Variants in KIRREL3 observed in about 807,000 individuals in gnomAD.
KIRREL3 encodes the protein kin of IRRE-like protein 3.
Under a neutral mutation model 89.7 loss-of-function variants are expected in KIRREL3, and 36 were observed. The observed-to-expected ratio is 0.40, with a 90% confidence interval of 0.31 to 0.53. KIRREL3 has a LOEUF of 0.53. Among genes scored for constraint, KIRREL3 ranks in the 20% least tolerant of loss-of-function variants. KIRREL3 has a pLI of 0.49. For synonymous variants in KIRREL3, 445 were observed against 441.4 expected (o/e 1.01, Z -0.10); for missense variants, 864 against 1,056.6 (o/e 0.82, Z 2.53).
rs930249106 is a variant in KIRREL3, at chr11:126,811,090, G to A, written c.55+189365C>T. 6.6e-6 allele frequency among the ~76,000 whole-genome samples: 1 copy of A among 152,176 alleles called. No individual in the cohort carries two copies. Among genetic ancestry groups the A allele is most frequent in the Non-Finnish European group, 1.5e-5 (1 of 68,026 alleles). ...CCCATGGGCACCTGGTGGCCCTGCT[G>A]AGGGCCAAATAGGAGTGTTGACATC... is the stretch of plus-strand genomic sequence containing the variant. On this transcript the variant is annotated intron_variant, in intron 1 of 16. Transcript: ENST00000525144. The surrounding 1 kb of genome is among the most constrained non-coding windows in gnomAD (Gnocchi z 4.3).
intron 1 of KIRREL3, among the ~76,000 whole-genome samples, chr11:126,722,922 T>C (rs1054935166): frequency 3.3e-5 from 5 of 152,230 alleles, no homozygotes; most frequent in African/African-American, 1.2e-4. Flanking sequence ...ATCATGGTGA[T>C]TTCCGCACGA....
rs1461397571 is a variant in KIRREL3 at position 126,918,536 on chromosome 11, C to T, written c.55+81919G>A. ...AACTAGCTGAATTATTACGTTTTTG[C>T]ATAAACATTCTTCACCATCATCCAC... is the stretch of plus-strand genomic sequence containing the variant. On this transcript the variant is annotated intron_variant, in intron 1 of 16. Transcript: ENST00000525144. The surrounding 1 kb of genome is among the most constrained non-coding windows in gnomAD (Gnocchi z 6.5). Among the ~76,000 whole-genome samples, 1 of 152,138 alleles carries T rather than the reference C, an allele frequency of 6.6e-6. No individual in the cohort carries two copies. The highest frequency in any genetic ancestry group is 6.5e-5 in the Admixed American group (1 of 15,278).
rs1350903041 is a variant in KIRREL3 at position 126,571,009 on chromosome 11, C to T, written c.56-8097G>A. ...TTGTTGTTATTTAGCGAGAGATTGA[C>T]ACTTTAGAGGAGTGAGGAGTTTGTC... On this transcript the variant is annotated intron_variant, in intron 1 of 16. Transcript: ENST00000525144. The surrounding 1 kb of genome is among the most constrained non-coding windows in gnomAD (Gnocchi z 7.7). 6.6e-6 allele frequency among the ~76,000 whole-genome samples: 1 copy of T among 152,190 alleles called. No individual in the cohort carries two copies. Among genetic ancestry groups the T allele is most frequent in the Non-Finnish European group, 1.5e-5 (1 of 68,038 alleles).
chr11:126,483,212 G>T (rs977286034), intron 4 of KIRREL3, among the ~76,000 whole-genome samples: 1 of 152,166 alleles, frequency 6.6e-6, no homozygotes, highest in African/African-American at 2.4e-5. Flanking sequence ...TTACCATGAG[G>T]TCATACCCCC....
chr11:126,480,302 A>T (rs1303139953), intron 4 of KIRREL3, among the ~76,000 whole-genome samples: 1 of 152,252 alleles, frequency 6.6e-6, no homozygotes, highest in Non-Finnish European at 1.5e-5. Context: ...CACAGAGAAC[A>T]TTGTAAAAGG....
At position 126,642,211 on chromosome 11, in the gene KIRREL3, G is replaced by C. The variant is rs2134934121; in HGVS notation, c.56-79299C>G. ...TTGACAGATGCTTTCCTGCCTTCTAGTCCAAACTTCAAAATCCTTCCTGCA... is the reference window on the plus strand; with the variant it reads ...TTGACAGATGCTTTCCTGCCTTCTACTCCAAACTTCAAAATCCTTCCTGCA... On this transcript the variant is annotated intron_variant, in intron 1 of 16. Transcript: ENST00000525144. This position sits in a 1 kb window ranked among gnomAD's most constrained non-coding sequence, Gnocchi z 4.9. 1.3e-5 allele frequency among the ~76,000 whole-genome samples: 2 copies of C among 152,270 alleles called. No individual in the cohort carries two copies. Among genetic ancestry groups the C allele is most frequent in the Non-Finnish European group, 2.9e-5 (2 of 68,026 alleles).
Position 126,769,296 on chromosome 11 carries a change from T to C in KIRREL3, c.56-206384A>G, listed in dbSNP as rs745598519. Among the ~76,000 whole-genome samples, 13 of 152,138 alleles carry C rather than the reference T, an allele frequency of 8.5e-5. No individual in the cohort carries two copies. Among genetic ancestry groups the C allele is most frequent in the Non-Finnish European group, 1.8e-4 (12 of 68,030 alleles). On this transcript the variant is annotated intron_variant, in intron 1 of 16. Coordinates refer to ENST00000525144, the MANE Select transcript of KIRREL3 (RefSeq NM_032531.4). This position sits in a 1 kb window ranked among gnomAD's most constrained non-coding sequence, Gnocchi z 4.3. Reference sequence around the variant, plus strand: ...GCAACATGGTAGGGGCTTAATAGATTTGATAAGGGCCGGTAGTCAGGGTAG... The same window carrying C: ...GCAACATGGTAGGGGCTTAATAGATCTGATAAGGGCCGGTAGTCAGGGTAG...
At position 126,837,554 on chromosome 11, in the gene KIRREL3, C is replaced by T. The variant is rs1943822564; in HGVS notation, c.55+162901G>A. Among the ~76,000 whole-genome samples, 3 of 152,132 alleles carry T rather than the reference C, an allele frequency of 2.0e-5. 1 individual carries two copies. The highest frequency in any genetic ancestry group is 2.9e-5 in the Non-Finnish European group (2 of 68,038). On this transcript the variant is annotated intron_variant, in intron 1 of 16. Transcript: ENST00000525144. This position sits in a 1 kb window ranked among gnomAD's most constrained non-coding sequence, Gnocchi z 4.7. ...CACAGGTCCAGATTTAAAAGAACTCCTCTTCCCACCTCTTCCAATCCTCGC... is the reference window on the plus strand; with the variant it reads ...CACAGGTCCAGATTTAAAAGAACTCTTCTTCCCACCTCTTCCAATCCTCGC...
intron 1 of KIRREL3, among the ~76,000 whole-genome samples, chr11:126,884,838 A>G (rs576330813): frequency 1.3e-5 from 2 of 152,220 alleles, no homozygotes; most frequent in South Asian, 4.2e-4. Flanking sequence ...ACAGAGCTGC[A>G]GTGGTGAGTA....
At chr11:126,899,926 T>C (rs1478198208) in intron 1 of KIRREL3, among the ~76,000 whole-genome samples, 1 of 152,220 alleles carries the variant, frequency 6.6e-6, no homozygotes, top group Non-Finnish European at 1.5e-5. Flanking sequence ...ACAGAACATC[T>C]TCTTAGAGCT....
chr11:126,702,224 A>G (rs537435743), intron 1 of KIRREL3, among the ~76,000 whole-genome samples: 1 of 152,304 alleles, frequency 6.6e-6, no homozygotes, highest in African/African-American at 2.4e-5. Context: ...TGCATGTAAA[A>G]TGCCTAGCAG....
At chr11:126,538,815 C>T (rs56085461) in intron 2 of KIRREL3, among the ~76,000 whole-genome samples, 19,770 of 152,084 alleles carry the variant, frequency 0.13, 1,558 homozygotes, top group Middle Eastern at 0.2. Flanking sequence ...ATATGTCTTC[C>T]GCTGAGTAGG....
In KIRREL3 at chr11:126,997,047, G is replaced by A. The variant is rs1434614079; in HGVS notation, c.55+3408C>T. Among the ~76,000 whole-genome samples the A allele has an allele frequency of 6.6e-6, 1 of 152,138 alleles. No homozygotes were observed. The highest frequency in any genetic ancestry group is 6.5e-5 in the Admixed American group (1 of 15,274). On this transcript the variant is annotated intron_variant, in intron 1 of 16. Transcript: ENST00000525144. The surrounding 1 kb of genome is among the most constrained non-coding windows in gnomAD (Gnocchi z 4.3). ...CCCTGTCTCCGAGGTGGAGATCAGAGATCTCCCTGGAGGCAGGGAGTCATC... is the reference window on the plus strand; with the variant it reads ...CCCTGTCTCCGAGGTGGAGATCAGAAATCTCCCTGGAGGCAGGGAGTCATC...
At chr11:126,425,409 A>C (rs1224853797) in intron 16 of KIRREL3, among the ~76,000 whole-genome samples, 3 of 152,140 alleles carry the variant, frequency 2.0e-5, no homozygotes, top group East Asian at 3.9e-4. Flanking sequence ...ACATGTGAGG[A>C]GGCTGTGGAA....
rs11600756 is a variant in KIRREL3 at position 126,897,585 on chromosome 11, C to T, written c.55+102870G>A. Among the ~76,000 whole-genome samples the T allele has an allele frequency of 0.15, 22,407 of 152,046 alleles. 2,192 individuals are homozygous for T. Among genetic ancestry groups the T allele is most frequent in the East Asian group, 0.42 (2,150 of 5,152 alleles). ...CATCCTCCTGTTTGTATATAGCAGA[C>T]CATTAGGGTATTTTTATTTCTCTTC... On this transcript the variant is annotated intron_variant, in intron 1 of 16. Transcript: ENST00000525144. The surrounding 1 kb of genome is among the most constrained non-coding windows in gnomAD (Gnocchi z 4.2).
rs1230545508 is a variant in KIRREL3, at chr11:126,811,181, C to T, written c.55+189274G>A. ...AGCTAGCAACTCCATGTGTTGTTAC[C>T]CCACCTGACAGTTCACAATTCTGTC... On this transcript the variant is annotated intron_variant, in intron 1 of 16. Coordinates refer to ENST00000525144, the MANE Select transcript of KIRREL3 (RefSeq NM_032531.4). The surrounding 1 kb of genome is among the most constrained non-coding windows in gnomAD (Gnocchi z 4.3). 6.6e-6 allele frequency among the ~76,000 whole-genome samples: 1 copy of T among 152,152 alleles called. No individual in the cohort carries two copies. The highest frequency in any genetic ancestry group is 2.4e-5 in the African/African-American group (1 of 41,424).
rs936434122 is a variant in KIRREL3 at position 126,513,144 on chromosome 11, G to A, written c.433+8171C>T. 2.0e-5 allele frequency among the ~76,000 whole-genome samples: 3 copies of A among 152,154 alleles called. No individual in the cohort carries two copies. The highest frequency in any genetic ancestry group is 2.0e-4 in the Admixed American group (3 of 15,274). ...TTGGTGATGGGGGTGCAGCCACTGG[G>A]GCCAGGCAACAGCAGGAGGCTGAAC... On this transcript the variant is annotated intron_variant, in intron 4 of 16. Coordinates refer to ENST00000525144, the MANE Select transcript of KIRREL3 (RefSeq NM_032531.4). The surrounding 1 kb of genome is among the most constrained non-coding windows in gnomAD (Gnocchi z 5.9).
chr11:126,836,594 C>G (rs903204582), intron 1 of KIRREL3, among the ~76,000 whole-genome samples: 1 of 152,140 alleles, frequency 6.6e-6, no homozygotes, highest in East Asian at 1.9e-4. Flanking sequence ...CCAAATGAAA[C>G]AATGTGGTAG....
chr11:126,971,608 A>G (rs1045521308), intron 1 of KIRREL3, among the ~76,000 whole-genome samples: 1 of 152,198 alleles, frequency 6.6e-6, no homozygotes, highest in Non-Finnish European at 1.5e-5. Flanking sequence ...CACTGAAAGG[A>G]ACCACAGAAA....
Sources: gnomAD v4.1 joint callset for allele counts (sites outside exome capture counted in the v4.1 genomes callset) on GRCh38, gnomAD v4.1.1 for gene constraint, Gnocchi (gnomAD v3.1) non-coding constraint, MANE v1.5 for transcripts, NCBI Gene and HGNC (gene_info 2026-07-23, HGNC 2026-07-21) for gene names.